The following PGM2L1 variants were observed in gnomAD, a reference collection of about 807,000 sequenced individuals.
The protein encoded by PGM2L1 is glucose 1,6-bisphosphate synthase.
A neutral mutation model predicts 73.4 loss-of-function variants in PGM2L1; 35 were observed. The ratio of observed to expected loss-of-function variants is 0.48; its 90% CI spans 0.36 to 0.63. PGM2L1 has a LOEUF of 0.63. PGM2L1 is among the 30% of genes least tolerant of loss of function. PGM2L1 has a pLI of 0.00. For synonymous variants in PGM2L1, 225 were observed against 253.8 expected (o/e 0.89, Z 1.08); for missense variants, 570 against 742.0 (o/e 0.77, Z 2.69).
At chr11:74,338,787 G>A (rs1056620541) in intron 12 of PGM2L1, among the ~76,000 whole-genome samples, 186 bp from the exon 13 acceptor site, 1 of 152,198 alleles carries the variant, frequency 6.6e-6, no homozygotes, top group African/African-American at 2.4e-5. Context: ...AAAGGATAGA[G>A]AGTTTCAGTT....
chr11:74,383,701 G>A (rs992284827), intron 1 of PGM2L1, among the ~76,000 whole-genome samples: 2 of 151,442 alleles, frequency 1.3e-5, no homozygotes, highest in African/African-American at 4.9e-5. Flanking sequence ...TGCGGTGTTC[G>A]GTTTTCTGTT....
intron 5 of PGM2L1, among the ~76,000 whole-genome samples, chr11:74,365,582 A>G (rs936994094): frequency 6.6e-6 from 1 of 152,238 alleles, no homozygotes; most frequent in African/African-American, 2.4e-5. Flanking sequence ...AAAAGAAGAC[A>G]TTTATGCAGC....
At position 74,374,702 on chromosome 11, in the gene PGM2L1, T is replaced by G. The variant is rs1009116095; in HGVS notation, c.112-120A>C. On this transcript the variant is annotated intron_variant, in intron 1 of 13. Transcript: ENST00000298198. ...TCAACATTCAATATAAATTCCACAG[T>G]GCTACTTCTTTGTATGTATAATAAA... is the stretch of plus-strand genomic sequence containing the variant. The G allele has an allele frequency of 6.2e-6, 5 of 808,890 alleles. No individual in the cohort carries two copies. In the East Asian group the frequency reaches 1.3e-4, roughly 22 times the overall value. 50.1% of individuals were successfully genotyped at this position (808,890 alleles called of 1,614,324 possible).
intron 9 of PGM2L1, among the ~76,000 whole-genome samples, chr11:74,343,975 C>T (rs1228455792): frequency 6.6e-6 from 1 of 151,860 alleles, no homozygotes; most frequent in Non-Finnish European, 1.5e-5. Flanking sequence ...CGGGGTTTCA[C>T]CATGTTGGTC....
intron 2 of PGM2L1, among the ~76,000 whole-genome samples, chr11:74,372,131 A>C (rs375531869): frequency 6.2e-5 from 1 of 16,030 alleles, no homozygotes; most frequent in Non-Finnish European, 1.4e-4. Context: ...TCAATAAGCT[A>C]AAAAAAAAAA....
At position 74,371,714 on chromosome 11, in the gene PGM2L1, T is replaced by C; in HGVS notation, c.383A>G (p.Gln128Arg). The C allele has an allele frequency of 6.2e-7, 1 of 1,611,430 alleles. No homozygotes were observed. The highest frequency in any genetic ancestry group is 2.2e-5 in the East Asian group (1 of 44,864). Reference protein sequence around the residue: ...RGQVTSSCSSQRLAKLTAAVL... With the variant: ...RGQVTSSCSSRRLAKLTAAVL... ...TTTGAAACAATTAACTTTGTACCTCTGGCTGCTGCAGCTGCTAGTTACTTG... is the reference window on the plus strand; with the variant it reads ...TTTGAAACAATTAACTTTGTACCTCCGGCTGCTGCAGCTGCTAGTTACTTG... Residue 128 changes from glutamine (Q) to arginine (R), a missense_variant, in exon 3 of 14, where the codon CAG becomes CGG. By Grantham distance (43) the Gln-to-Arg change is conservative. Coordinates refer to ENST00000298198, the MANE Select transcript of PGM2L1 (RefSeq NM_173582.6).
intron 4 of PGM2L1, among the ~76,000 whole-genome samples, chr11:74,369,861 C>T (rs971782282): frequency 1.3e-5 from 2 of 152,088 alleles, no homozygotes; most frequent in Non-Finnish European, 2.9e-5. Flanking sequence ...ACTCTCGTGC[C>T]CCAGCCTCCT....
At chr11:74,388,953 C>T (rs1456178287) in intron 1 of PGM2L1, among the ~76,000 whole-genome samples, 2 of 152,180 alleles carry the variant, frequency 1.3e-5, no homozygotes, top group African/African-American at 4.8e-5. Flanking sequence ...ACTAATCAAC[C>T]TTTTATTTTG....
rs371767362 is a variant in PGM2L1 at position 74,368,572 on chromosome 11, A to G, written c.475T>C (p.Tyr159His). ...ACTGCTTTGAGCTTCTGAACTGCAT[A>G]TGGCTGAAAAATAAATAACACCATA... is the stretch of plus-strand genomic sequence containing the variant. ...SRYVPTPFVP[Y>H]AVQKLKAVAG... is the part of the protein sequence containing the mutation. The change falls in exon 5 of 14, where the codon TAT becomes CAT. Residue 159 changes from tyrosine to histidine, a missense_variant. By Grantham distance (83) the Tyr-to-His change is moderately conservative (BLOSUM62 2). Transcript: ENST00000298198. 11 of 1,613,154 alleles carry G rather than the reference A, an allele frequency of 6.8e-6. No individual in the cohort carries two copies. The highest frequency in any genetic ancestry group is 9.3e-6 in the Non-Finnish European group (11 of 1,179,222).
At chr11:74,394,259 T>C (rs1405996912) in intron 1 of PGM2L1, among the ~76,000 whole-genome samples, 1 of 152,206 alleles carries the variant, frequency 6.6e-6, no homozygotes, top group Non-Finnish European at 1.5e-5. Context: ...ATCTAGAAAA[T>C]GCCCTGAATA....
At chr11:74,368,365 G>T in intron 5 of PGM2L1, 127 bp downstream of exon 5, 3 of 697,478 alleles carry the variant, frequency 4.3e-6, no homozygotes, top group Non-Finnish European at 7.3e-6. Flanking sequence ...ACCAGCCTCA[G>T]TGTTTTTAAC....
At chr11:74,360,886 TAAAC>T (rs1280526695) in intron 5 of PGM2L1, among the ~76,000 whole-genome samples, 1 of 152,082 alleles carries the variant, frequency 6.6e-6, no homozygotes, top group Non-Finnish European at 1.5e-5. Flanking sequence ...CTTGAGTAGA[TAAAC>T]AAAGGCCAGG....
At chr11:74,377,359 T>G (rs771412560) in intron 1 of PGM2L1, among the ~76,000 whole-genome samples, 29 of 152,246 alleles carry the variant, frequency 1.9e-4, no homozygotes, top group Non-Finnish European at 4.0e-4. Flanking sequence ...GGTCTCGATC[T>G]CCTGACCTCA....
Position 74,342,457 on chromosome 11 carries a change from T to C in PGM2L1, c.1632+4A>G. On this transcript the variant is annotated splice_donor_region_variant and intron_variant, in intron 12 of 13. Transcript: ENST00000298198. ...ATTGTTTGGAAAAAAAAAAAGGTAC[T>C]TACTGATTTCTTATTAGGCTGGCTA... 1 of 1,432,894 alleles carries C rather than the reference T, an allele frequency of 7.0e-7. No homozygotes were observed. The highest frequency in any genetic ancestry group is 2.6e-5 in the East Asian group (1 of 38,884). 88.8% of individuals were successfully genotyped at this position (1,432,894 alleles called of 1,614,324 possible). A position where few individuals can be genotyped will look rare whatever the true frequency, so the allele number is the denominator to read the frequency against.
chr11:74,350,758 T>C (rs1382134340), intron 6 of PGM2L1, among the ~76,000 whole-genome samples: 1 of 152,136 alleles, frequency 6.6e-6, no homozygotes, highest in Non-Finnish European at 1.5e-5. Context: ...TTGCTTGTAG[T>C]CCCAGCTACT....
intron 6 of PGM2L1, among the ~76,000 whole-genome samples, chr11:74,350,915 G>C (rs1250843600): frequency 1.4e-5 from 2 of 143,492 alleles, no homozygotes; most frequent in Non-Finnish European, 3.0e-5. Flanking sequence ...GAGAGAGAGA[G>C]AGAAAGAGAG....
At chr11:74,347,891 C>A (rs1404123686) in intron 6 of PGM2L1, among the ~76,000 whole-genome samples, 2 of 152,140 alleles carry the variant, frequency 1.3e-5, no homozygotes, top group African/African-American at 2.4e-5. Flanking sequence ...AATGGACACC[C>A]AATGCTGCCA....
intron 1 of PGM2L1, among the ~76,000 whole-genome samples, chr11:74,387,489 T>C (rs909143642): frequency 1.3e-3 from 191 of 152,328 alleles, no homozygotes; most frequent in Non-Finnish European, 1.7e-3. Flanking sequence ...CACCTATACT[T>C]ACTCACCATA....
At chr11:74,371,868 T>C in intron 2 of PGM2L1, 51 bp from the exon 3 acceptor site, 1 of 1,416,382 alleles carries the variant, frequency 7.1e-7, no homozygotes, top group Non-Finnish European at 1.0e-6. Flanking sequence ...TTGCATTTCA[T>C]ATGACTCAGA....
Sources: allele counts gnomAD v4.1 joint callset (sites outside exome capture counted in the v4.1 genomes callset), GRCh38; gene constraint gnomAD v4.1.1; transcripts MANE v1.5; gene names NCBI Gene and HGNC (gene_info 2026-07-23, HGNC 2026-07-21).